Variants in SPAG16 observed in about 807,000 individuals in gnomAD.
The protein encoded by SPAG16 is sperm-associated antigen 16 protein.
A neutral mutation model predicts 80.4 loss-of-function variants in SPAG16; 86 were observed. The observed-to-expected ratio is 1.07, with a 90% confidence interval of 0.90 to 1.28. The LOEUF is 1.28. Among genes scored for constraint, SPAG16 ranks in the 50% most tolerant of loss-of-function variants. The pLI is 0.00. For missense variants in SPAG16, 870 were observed against 765.3 expected (o/e 1.14, Z -1.61); for synonymous variants, 294 against 265.9 (o/e 1.11, Z -1.03).
chr2:214,281,716 T>G (rs972141857), intron 15 of SPAG16, among the ~76,000 whole-genome samples: 1 of 152,200 alleles, frequency 6.6e-6, no homozygotes, highest in Admixed American at 6.5e-5. Context: ...CAAAAACATA[T>G]GTCCATACAA....
chr2:213,855,762 A>C (rs1208200693), intron 10 of SPAG16, among the ~76,000 whole-genome samples: 1 of 152,144 alleles, frequency 6.6e-6, no homozygotes, highest in Admixed American at 6.5e-5. Flanking sequence ...ATAAGAACTC[A>C]CTTACTGTCA....
chr2:213,703,132 G>A (rs1425011887), intron 10 of SPAG16, among the ~76,000 whole-genome samples: 1 of 152,170 alleles, frequency 6.6e-6, no homozygotes, highest in Admixed American at 6.5e-5. Context: ...GACATAGTGG[G>A]TTCCAAAAGA....
rs192651198 is a variant in SPAG16, at chr2:213,492,563, A to T, written c.1070+2473A>T. Among the ~76,000 whole-genome samples the T allele has an allele frequency of 8.4e-3, 1,277 of 152,102 alleles. 7 individuals carry two copies. Among genetic ancestry groups the T allele is most frequent in the Non-Finnish European group, 0.015 (994 of 67,964 alleles). ...AGACTCTGTCTCAAAAAACAAAAAA[A>T]AACAACCAAAAGAAAACAGATACCA... On this transcript the variant is annotated intron_variant, in intron 10 of 15. Transcript: ENST00000331683.
intron 15 of SPAG16, among the ~76,000 whole-genome samples, chr2:214,383,266 GC>G (rs1367010713): frequency 6.6e-6 from 1 of 151,976 alleles, no homozygotes; most frequent in Admixed American, 6.6e-5. Context: ...ATCAAAAGAG[GC>G]CCCCAAAAGA....
At chr2:213,486,541 C>G (rs2073983501) in intron 9 of SPAG16, among the ~76,000 whole-genome samples, 1 of 152,038 alleles carries the variant, frequency 6.6e-6, no homozygotes, top group Non-Finnish European at 1.5e-5. Context: ...ATGGATGGAA[C>G]TGAAAGTTAT....
chr2:213,926,339 C>T (rs1176810816), intron 11 of SPAG16, among the ~76,000 whole-genome samples: 2 of 151,904 alleles, frequency 1.3e-5, no homozygotes, highest in Non-Finnish European at 2.9e-5. Flanking sequence ...CACCCATCAC[C>T]CAAGCAGTAT....
In SPAG16 at chr2:213,658,255, A is replaced by T. The variant is rs553021547; in HGVS notation, c.1070+168165A>T. 2.6e-5 allele frequency among the ~76,000 whole-genome samples: 4 copies of T among 152,108 alleles called. No homozygotes were observed. In the South Asian group the frequency reaches 8.3e-4, roughly 32 times the overall value. On this transcript the variant is annotated intron_variant, in intron 10 of 15. Transcript: ENST00000331683. ...GGCTGGTGTGCTCCACTTTTTGCTT[A>T]AAAACGTACCCTGTGCCCAGAATAC...
chr2:214,308,346 G>T (rs1031301665), intron 15 of SPAG16, among the ~76,000 whole-genome samples: 1 of 152,094 alleles, frequency 6.6e-6, no homozygotes, highest in African/African-American at 2.4e-5. Context: ...TATCCAGCTT[G>T]CCACTCTATG....
intron 15 of SPAG16, among the ~76,000 whole-genome samples, chr2:214,330,112 GAA>G (rs5838429): frequency 1.2e-3 from 168 of 139,894 alleles, no homozygotes; most frequent in South Asian, 5.5e-3. Context: ...ACCAAAAATA[GAA>G]AAAAAAAAAA....
chr2:213,923,140 T>A (rs2078300673), intron 11 of SPAG16, among the ~76,000 whole-genome samples: 1 of 152,156 alleles, frequency 6.6e-6, no homozygotes, highest in Admixed American at 6.5e-5. Flanking sequence ...AAACTAGGAC[T>A]GTTGGGCCAG....
At chr2:214,367,381 A>T (rs1046075721) in intron 15 of SPAG16, among the ~76,000 whole-genome samples, 3 of 152,170 alleles carry the variant, frequency 2.0e-5, no homozygotes, top group African/African-American at 7.2e-5. Flanking sequence ...ATTATCTTTC[A>T]TGCATGTTTG....
intron 15 of SPAG16, among the ~76,000 whole-genome samples, chr2:214,329,904 A>T (rs1445938730): frequency 2.0e-5 from 3 of 152,162 alleles, no homozygotes; most frequent in African/African-American, 7.2e-5. Flanking sequence ...AAGTCTAGGT[A>T]TGTTGGAACC....
chr2:213,691,481 T>C (rs1158330550), intron 10 of SPAG16, among the ~76,000 whole-genome samples: 4 of 152,166 alleles, frequency 2.6e-5, no homozygotes, highest in Non-Finnish European at 5.9e-5. Flanking sequence ...GGAGCTGTCT[T>C]GGACCTCTAG....
chr2:213,444,137 C>A (rs1234462965), intron 9 of SPAG16, among the ~76,000 whole-genome samples: 1 of 152,170 alleles, frequency 6.6e-6, no homozygotes. Context: ...GAATCATTTT[C>A]TGTTTTCAGA....
At chr2:214,307,018 A>AT (rs1576737173) in intron 15 of SPAG16, among the ~76,000 whole-genome samples, 2 of 151,604 alleles carry the variant, frequency 1.3e-5, no homozygotes, top group African/African-American at 4.8e-5. Context: ...TAGTTCTGGG[A>AT]TTTTTTTGGT....
At chr2:213,783,619 T>C (rs1261570100) in intron 10 of SPAG16, among the ~76,000 whole-genome samples, 1 of 83,932 alleles carries the variant, frequency 1.2e-5, no homozygotes, top group African/African-American at 3.8e-5. Flanking sequence ...TAAAGAAAAA[T>C]ATATTTATAC....
intron 15 of SPAG16, among the ~76,000 whole-genome samples, chr2:214,158,394 C>G (rs1323960431): frequency 6.6e-6 from 1 of 151,940 alleles, no homozygotes; most frequent in Non-Finnish European, 1.5e-5. Flanking sequence ...GAGCCCCAAA[C>G]ATAAATGGCA....
At chr2:213,524,409 A>G (rs958521127) in intron 10 of SPAG16, among the ~76,000 whole-genome samples, 2 of 152,100 alleles carry the variant, frequency 1.3e-5, no homozygotes, top group Non-Finnish European at 2.9e-5. Flanking sequence ...GGTGCTGCCT[A>G]GTGGAGCTGT....
chr2:214,397,312 A>G (rs1477077654), intron 15 of SPAG16, among the ~76,000 whole-genome samples: 1 of 151,944 alleles, frequency 6.6e-6, no homozygotes, highest in Non-Finnish European at 1.5e-5. Context: ...GGCATGCGCC[A>G]CCATGCCCAG....
Sources: allele counts gnomAD v4.1 joint callset (sites outside exome capture counted in the v4.1 genomes callset), GRCh38; gene constraint gnomAD v4.1.1; transcripts MANE v1.5; gene names NCBI Gene and HGNC (gene_info 2026-07-23, HGNC 2026-07-21).